Variants in UBR4 observed in about 807,000 individuals in gnomAD.
UBR4 encodes E3 ubiquitin-protein ligase UBR4.
UBR4 carries 124 observed loss-of-function variants against 575.6 expected under a neutral mutation model. That is an observed-to-expected ratio of 0.22 (90% CI 0.19 to 0.25). UBR4 has a LOEUF of 0.25. UBR4 is among the 10% of genes least tolerant of loss of function. The probability of loss-of-function intolerance (pLI) is 1.00; values close to 1 mark genes in which losing one functional copy is unlikely to be tolerated. For missense variants in UBR4, 4,818 were observed against 6,478.8 expected (o/e 0.74, Z 8.80); for synonymous variants, 2,455 against 2,473.7 (o/e 0.99, Z 0.22).
rs1570386155 is a variant in UBR4, at chr1:19,094,853, G to C, written c.13746+53C>G. On this transcript the variant is annotated intron_variant, in intron 94 of 105. Coordinates refer to ENST00000375254, the MANE Select transcript of UBR4 (RefSeq NM_020765.3). ...CACAAACAGGCCTGTTGTGGGCAAT[G>C]AGACAGTGCAGGCTCTCAGTGCCTG... 1.9e-6 allele frequency: 3 copies of C among 1,602,192 alleles called. No individual in the cohort carries two copies. In the East Asian group the frequency reaches 6.7e-5, roughly 36 times the overall value.
intron 68 of UBR4, 63 bp from the exon 69 acceptor site, chr1:19,120,411 C>T: frequency 6.5e-7 from 1 of 1,549,456 alleles, no homozygotes; most frequent in East Asian, 2.3e-5. Context: ...GGTCCTAAGG[C>T]CTGGGCTACC....
chr1:19,164,946 T>C lies in UBR4; in HGVS notation c.4364A>G (p.Gln1455Arg). The C allele has an allele frequency of 6.2e-7, 1 of 1,614,102 alleles. No homozygotes were observed. The highest frequency in any genetic ancestry group is 8.5e-7 in the Non-Finnish European group (1 of 1,180,016). ...SLLHLCGSLAQLACVEPVRLQ... is the reference protein window; with the variant it reads ...SLLHLCGSLARLACVEPVRLQ... ...GCGCACAGGTTCCACACAGGCCAGT[T>C]GTGCCAGGGAGCCACAGAGATGCAA... The change falls in exon 32 of 106, where the codon CAA (glutamine) becomes CGA (arginine). Residue 1455 changes from glutamine to arginine, a missense_variant. By Grantham distance (43) the Gln-to-Arg change is conservative (BLOSUM62 1). This residue lies in a region of UBR4 where 1,172 missense variants were observed against 1,259.7 expected (regional missense o/e 0.93). Coordinates refer to ENST00000375254, the MANE Select transcript of UBR4 (RefSeq NM_020765.3).
intron 55 of UBR4, 137 bp downstream of exon 55, chr1:19,143,843 T>C (rs748604233): frequency 3.1e-6 from 2 of 641,122 alleles, no homozygotes; most frequent in South Asian, 2.3e-5. Context: ...TGGGGTGAGG[T>C]AGGATTAGAA....
chr1:19,082,920 C>CG (rs1336119300), intron 102 of UBR4, among the ~76,000 whole-genome samples: 1 of 152,182 alleles, frequency 6.6e-6, no homozygotes, highest in Non-Finnish European at 1.5e-5. Flanking sequence ...CCACTGTGAC[C>CG]AAGCTCCCAC....
rs754941407 is a variant in UBR4, at chr1:19,093,402, A to G, written c.14022T>C (p.Asn4674=). 1.2e-6 allele frequency: 2 copies of G among 1,614,214 alleles called. No homozygotes were observed. Among genetic ancestry groups the G allele is most frequent in the South Asian group, 1.1e-5 (1 of 91,082 alleles). ...GAATCAGATCCTTCAGCTGGTGCCC[A>G]TTGCTGTTGTTCTTGATGCCAGCAG... ...KIAAGIKNNS[N]GHQLKDLILQ... is the part of the protein sequence containing the mutation. The change falls in exon 96 of 106, where the codon AAT becomes AAC. Residue 4674 remains asparagine (N), a synonymous_variant. Coordinates refer to ENST00000375254, the MANE Select transcript of UBR4 (RefSeq NM_020765.3). The surrounding 1 kb of genome is among the most constrained non-coding windows in gnomAD (Gnocchi z 4.8).
chr1:19,152,470 C>G lies in UBR4; in HGVS notation c.6839G>C (p.Arg2280Pro). 6.2e-7 allele frequency: 1 copy of G among 1,613,832 alleles called. No homozygotes were observed. The highest frequency in any genetic ancestry group is 8.5e-7 in the Non-Finnish European group (1 of 1,179,834). The change falls in exon 47 of 106, where the codon CGC (arginine) becomes CCC (proline). Residue 2280 changes from arginine to proline, a missense_variant. By Grantham distance (103) the Arg-to-Pro change is moderately radical. This residue lies in a region of UBR4 where 461 missense variants were observed against 606.9 expected (regional missense o/e 0.76). Transcript: ENST00000375254. The surrounding 1 kb of genome is among the most constrained non-coding windows in gnomAD (Gnocchi z 4.4). ...RKRKTATITT[R>P]TSSQVTFPID... is the part of the protein sequence containing the mutation. ...GGGGAAAGTCACCTGGCTAGACGTG[C>G]GGGTTGCTGCAGAGAACGGTACCAG...
Position 19,084,727 on chromosome 1 carries a change from TG to T in UBR4, c.14814-30del, listed in dbSNP as rs771226323. On this transcript the variant is annotated intron_variant, in intron 101 of 105. Coordinates refer to ENST00000375254, the MANE Select transcript of UBR4 (RefSeq NM_020765.3). ...GAGGGAAGCAGAACAAACAATGAAATGGAAGTGAGTTCCTGGTGAAAACCCA... is the reference window on the plus strand; with the variant it reads ...GAGGGAAGCAGAACAAACAATGAAATGAAGTGAGTTCCTGGTGAAAACCCA... 3.4e-5 allele frequency: 54 copies of T among 1,571,158 alleles called. No homozygotes were observed. In the African/African-American group the frequency reaches 7.0e-4, roughly 20 times the overall value.
At position 19,103,945 on chromosome 1, in the gene UBR4, A is replaced by G; in HGVS notation, c.12901+139T>C. 7.9e-6 allele frequency: 8 copies of G among 1,008,228 alleles called. No homozygotes were observed. In the South Asian group the frequency reaches 1.4e-4, roughly 17 times the overall value. The allele number at this position is 1,008,228 out of a possible 1,614,324, so 62.5% of individuals were successfully genotyped here. A position where few individuals can be genotyped will look rare whatever the true frequency, so the allele number is the denominator to read the frequency against. On this transcript the variant is annotated intron_variant, in intron 87 of 105. Transcript: ENST00000375254. ...TCCAAGAGCCAACACTTTGTCAAGAAATGAGTCTCCCTTTGAATGCAGGGA... is the reference window on the plus strand; with the variant it reads ...TCCAAGAGCCAACACTTTGTCAAGAGATGAGTCTCCCTTTGAATGCAGGGA...
Position 19,198,527 on chromosome 1 carries a change from C to A in UBR4, c.648+14G>T. ...AACCCACAGAGAAGAAGACATTTGACTAAAGAAACTCACCAGAGTCTGTGT... is the reference window on the plus strand; with the variant it reads ...AACCCACAGAGAAGAAGACATTTGAATAAAGAAACTCACCAGAGTCTGTGT... On this transcript the variant is annotated intron_variant, in intron 5 of 105. Transcript: ENST00000375254. The A allele has an allele frequency of 3.7e-6, 6 of 1,608,146 alleles. No homozygotes were observed. Among genetic ancestry groups the A allele is most frequent in the Non-Finnish European group, 5.1e-6 (6 of 1,176,110 alleles).
chr1:19,161,640 C>T lies in UBR4; in HGVS notation c.5124G>A (p.Lys1708=). Residue 1708 remains lysine, a synonymous_variant, in exon 37 of 106, where the codon AAG becomes AAA. Transcript: ENST00000375254. Reference sequence around the variant, plus strand: ...CACAGTCACAGAAGAAGGATCCATACTTGGCATAGGAAATCTCATGATCCT... The same window carrying T: ...CACAGTCACAGAAGAAGGATCCATATTTGGCATAGGAAATCTCATGATCCT... The part of the protein sequence containing the change: ...CHKDHEISYA[K]YGSFFCDCGA... 1 of 1,613,998 alleles carries T rather than the reference C, an allele frequency of 6.2e-7. No individual in the cohort carries two copies. Among genetic ancestry groups the T allele is most frequent in the Non-Finnish European group, 8.5e-7 (1 of 1,179,938 alleles).
chr1:19,124,599 G>C lies in UBR4; in HGVS notation c.9530C>G (p.Thr3177Ser), dbSNP rs377176735. 1 of 1,614,198 alleles carries C rather than the reference G, an allele frequency of 6.2e-7. No homozygotes were observed. The highest frequency in any genetic ancestry group is 1.3e-5 in the African/African-American group (1 of 75,046). Residue 3177 changes from threonine (T) to serine (S), a missense_variant, in exon 65 of 106, where the codon ACC becomes AGC. Thr to Ser is a moderately conservative substitution (Grantham distance 58, BLOSUM62 1). Transcript: ENST00000375254. ...GACAGGAGGTGGGATTCGAGAATTG[G>C]TGTCAGTAATCTTTTTGATTTGGTA... ...LPYQIKKITD[T>S]NSRIPPPVFD...
chr1:19,153,670 G>C lies in UBR4; in HGVS notation c.6630+98C>G. 1 of 1,506,036 alleles carries C rather than the reference G, an allele frequency of 6.6e-7. No individual in the cohort carries two copies. The highest frequency in any genetic ancestry group is 1.3e-5 in the South Asian group (1 of 76,678). 93.3% of individuals were successfully genotyped at this position (1,506,036 alleles called of 1,614,324 possible). Reference sequence around the variant, plus strand: ...AAAAAGGACTGAAAATCTTTTATGGGCCTCCATTGAAAGAGCTGGGAAAGT... The same window carrying C: ...AAAAAGGACTGAAAATCTTTTATGGCCCTCCATTGAAAGAGCTGGGAAAGT... On this transcript the variant is annotated intron_variant, in intron 45 of 105. Transcript: ENST00000375254. The surrounding 1 kb of genome is among the most constrained non-coding windows in gnomAD (Gnocchi z 4.1).
At chr1:19,189,422 T>C (rs2091860880) in intron 11 of UBR4, among the ~76,000 whole-genome samples, 1 of 152,122 alleles carries the variant, frequency 6.6e-6, no homozygotes, top group African/African-American at 2.4e-5. Flanking sequence ...AATAAGCGCT[T>C]AGCAATAGGG....
Position 19,156,304 on chromosome 1 carries a change from G to A in UBR4, c.6039C>T (p.Thr2013=), listed in dbSNP as rs372115312. The change falls in exon 42 of 106, where the codon ACC becomes ACT. Residue 2013 remains threonine (T), a synonymous_variant. Coordinates refer to ENST00000375254, the MANE Select transcript of UBR4 (RefSeq NM_020765.3). ...AGTCTGCGGTGACAATTGCTAACTC[G>A]GTCTGTGAACCAGGTAACCACACGG... ...IKAVWLPGSQ[T]ELAIVTADFV... 1.8e-5 allele frequency: 29 copies of A among 1,614,106 alleles called. No homozygotes were observed. The African/African-American group carries it at 2.1e-4, about 12-fold the overall frequency.
At chr1:19,081,819 C>T in intron 102 of UBR4, 1 of 691,546 alleles carries the variant, frequency 1.4e-6, no homozygotes, top group Admixed American at 2.1e-5. Context: ...CTAGCTCCTA[C>T]CCCAGCTCTA....
In UBR4 at chr1:19,134,086, TAAAAAAAAAAA is replaced by T. The variant is rs71030132; in HGVS notation, c.8906+3910_8906+3920del. Reference sequence around the variant, plus strand: ...GGGCAAGAGAGTGAGACTCTGTCTCTAAAAAAAAAAAAAAAAAAAAAAAAAAAATTTAAAAA... The same window carrying T: ...GGGCAAGAGAGTGAGACTCTGTCTCTAAAAAAAAAAAAAAAAATTTAAAAA... On this transcript the variant is annotated intron_variant, in intron 60 of 105. Coordinates refer to ENST00000375254, the MANE Select transcript of UBR4 (RefSeq NM_020765.3). Among the ~76,000 whole-genome samples, 4 of 52,510 alleles carry T rather than the reference TAAAAAAAAAAA, an allele frequency of 7.6e-5. No homozygotes were observed. In the East Asian group the frequency reaches 2.0e-3, roughly 27 times the overall value. 34.4% of individuals were successfully genotyped at this position (52,510 alleles called of 152,430 possible). A position where few individuals can be genotyped will look rare whatever the true frequency, so the allele number is the denominator to read the frequency against.
chr1:19,170,936 T>C, intron 25 of UBR4, 53 bp from the exon 26 acceptor site: 1 of 1,612,920 alleles, frequency 6.2e-7, no homozygotes, highest in Non-Finnish European at 8.5e-7. Flanking sequence ...TCCCACCAGT[T>C]AGGAAAAACT....
rs769085906 is a variant in UBR4, at chr1:19,110,336, T to C, written c.11977+44A>G. 1.9e-6 allele frequency: 3 copies of C among 1,613,630 alleles called. No individual in the cohort carries two copies. Among genetic ancestry groups the C allele is most frequent in the African/African-American group, 1.3e-5 (1 of 75,002 alleles). On this transcript the variant is annotated intron_variant, in intron 80 of 105. Transcript: ENST00000375254. The surrounding 1 kb of genome is among the most constrained non-coding windows in gnomAD (Gnocchi z 4.5). Reference sequence around the variant, plus strand: ...CCCCTCCCAGTCCGGCCAGGACTGCTCCTTTGAGCCTCCTTTCCTTTCTCT... The same window carrying C: ...CCCCTCCCAGTCCGGCCAGGACTGCCCCTTTGAGCCTCCTTTCCTTTCTCT...
intron 8 of UBR4, 120 bp from the exon 9 acceptor site, chr1:19,193,677 G>T: frequency 7.8e-7 from 1 of 1,289,776 alleles, no homozygotes; most frequent in Non-Finnish European, 1.0e-6. Flanking sequence ...TAAAATAAAT[G>T]CCATTAAGAG....
Sources: gnomAD v4.1 joint callset for allele counts (sites outside exome capture counted in the v4.1 genomes callset) on GRCh38, gnomAD v4.1.1 for gene constraint, gnomAD v4.1.1 regional missense constraint, Gnocchi (gnomAD v3.1) non-coding constraint, MANE v1.5 for transcripts, NCBI Gene and HGNC (gene_info 2026-07-23, HGNC 2026-07-21) for gene names.